The following LHFPL3 variants were observed in gnomAD, a reference collection of about 807,000 sequenced individuals.
The protein encoded by LHFPL3 is LHFPL tetraspan subfamily member 3 protein.
Under a neutral mutation model 19.3 loss-of-function variants are expected in LHFPL3, and 5 were observed. That is an observed-to-expected ratio of 0.26 (90% CI 0.14 to 0.54). The LOEUF is 0.54. LHFPL3 is among the 20% of genes least tolerant of loss of function. The pLI is 0.94. For missense variants in LHFPL3, 249 were observed against 307.4 expected, an observed-to-expected ratio of 0.81 and a Z score of 1.42; for synonymous variants, 133 against 126.2, an observed-to-expected ratio of 1.05 and a Z score of -0.36.
Position 104,533,254 on chromosome 7 carries a change from T to C in LHFPL3, c.446-203421T>C, listed in dbSNP as rs79711663. ...AAACTCTCTTCTCCACTAGATTCCA[T>C]AGAAGCACTCTGTCATAGTTCTCCT... On this transcript the variant is annotated intron_variant, in intron 1 of 2. Transcript: ENST00000424859. Among the ~76,000 whole-genome samples, 838 of 152,336 alleles carry C rather than the reference T, an allele frequency of 5.5e-3. 9 individuals carry two copies. The highest frequency in any genetic ancestry group is 0.043 in the East Asian group (224 of 5,192).
At chr7:104,775,778 C>T (rs901109141) in intron 2 of LHFPL3, among the ~76,000 whole-genome samples, 2 of 152,022 alleles carry the variant, frequency 1.3e-5, no homozygotes, top group Non-Finnish European at 2.9e-5. Context: ...CAACAACTAA[C>T]AATCTTTCTT....
chr7:104,821,886 GGTCA>G (rs751269289), intron 2 of LHFPL3, among the ~76,000 whole-genome samples: 2 of 152,190 alleles, frequency 1.3e-5, no homozygotes, highest in Non-Finnish European at 2.9e-5. Context: ...TGTAATCAAA[GGTCA>G]GTGAATTTGC....
At chr7:104,576,518 C>G (rs1790341722) in intron 1 of LHFPL3, among the ~76,000 whole-genome samples, 1 of 152,198 alleles carries the variant, frequency 6.6e-6, no homozygotes, top group African/African-American at 2.4e-5. Context: ...GCTATTAGTT[C>G]TTAACCTTCC....
At chr7:104,619,265 C>A (rs1180106939) in intron 1 of LHFPL3, among the ~76,000 whole-genome samples, 1 of 152,154 alleles carries the variant, frequency 6.6e-6, no homozygotes, top group Non-Finnish European at 1.5e-5. Context: ...TATTTTGAGG[C>A]CACAGTATAC....
At chr7:104,779,190 A>G (rs1794679735) in intron 2 of LHFPL3, among the ~76,000 whole-genome samples, 1 of 152,176 alleles carries the variant, frequency 6.6e-6, no homozygotes, top group Non-Finnish European at 1.5e-5. Context: ...AACGGGATTA[A>G]TAATAGTACT....
intron 1 of LHFPL3, among the ~76,000 whole-genome samples, chr7:104,443,299 G>A (rs944432477): frequency 1.3e-5 from 2 of 152,142 alleles, no homozygotes; most frequent in Non-Finnish European, 2.9e-5. Context: ...CACCCACACT[G>A]GATGGCACAT....
At chr7:104,545,259 T>A (rs1326017087) in intron 1 of LHFPL3, among the ~76,000 whole-genome samples, 1 of 152,184 alleles carries the variant, frequency 6.6e-6, no homozygotes, top group Non-Finnish European at 1.5e-5. Flanking sequence ...GGCCAAATTA[T>A]CAAATAGACC....
chr7:104,724,058 A>C (rs2077169771), intron 1 of LHFPL3, among the ~76,000 whole-genome samples: 1 of 152,210 alleles, frequency 6.6e-6, no homozygotes, highest in Admixed American at 6.5e-5. Flanking sequence ...GTATTATTTA[A>C]ACTTTCGTTG....
At chr7:104,513,078 A>G (rs752402868) in intron 1 of LHFPL3, among the ~76,000 whole-genome samples, 13 of 152,212 alleles carry the variant, frequency 8.5e-5, no homozygotes, top group Admixed American at 3.9e-4. Flanking sequence ...TAAAAATAAA[A>G]TATGTATTAA....
chr7:104,401,719 T>C (rs970176771), intron 1 of LHFPL3, among the ~76,000 whole-genome samples: 1 of 152,234 alleles, frequency 6.6e-6, no homozygotes, highest in African/African-American at 2.4e-5. Flanking sequence ...AGTAAACTCA[T>C]TCATTCTCTG....
intron 1 of LHFPL3, among the ~76,000 whole-genome samples, chr7:104,546,751 T>A (rs1340708686): frequency 6.6e-6 from 1 of 152,214 alleles, no homozygotes. Context: ...TCTTCCTTTG[T>A]CACTGGAGAC....
chr7:104,543,465 G>A (rs1306853760), intron 1 of LHFPL3, among the ~76,000 whole-genome samples: 1 of 151,806 alleles, frequency 6.6e-6, no homozygotes. Flanking sequence ...ACATGCACAC[G>A]TATATTTACT....
chr7:104,331,663 G>A (rs1444802582), intron 1 of LHFPL3, among the ~76,000 whole-genome samples: 1 of 152,128 alleles, frequency 6.6e-6, no homozygotes, highest in Non-Finnish European at 1.5e-5. Context: ...TGAAAGTTTA[G>A]TCTAGGCCGG....
chr7:104,668,344 G>A (rs1236720862), intron 1 of LHFPL3: 1 of 1,594,014 alleles, frequency 6.3e-7, no homozygotes. Context: ...GATACAGACT[G>A]GAGGGCTCGT....
chr7:104,398,999 G>C (rs914523631), intron 1 of LHFPL3, among the ~76,000 whole-genome samples: 1 of 152,146 alleles, frequency 6.6e-6, no homozygotes, highest in Non-Finnish European at 1.5e-5. Flanking sequence ...GATATCCCTA[G>C]TGCTATGCTT....
chr7:104,338,784 C>T (rs904957024), intron 1 of LHFPL3, among the ~76,000 whole-genome samples: 4 of 152,076 alleles, frequency 2.6e-5, no homozygotes, highest in Non-Finnish European at 5.9e-5. Context: ...ATTTGATTGA[C>T]CCTTTGTGCT....
intron 1 of LHFPL3, among the ~76,000 whole-genome samples, chr7:104,596,774 C>T (rs768960856): frequency 3.9e-5 from 6 of 152,224 alleles, no homozygotes; most frequent in Admixed American, 6.5e-5. Flanking sequence ...TTTCATCTCA[C>T]GTGCATTGCC....
chr7:104,697,079 C>A (rs1267815088), intron 1 of LHFPL3, among the ~76,000 whole-genome samples: 23 of 152,134 alleles, frequency 1.5e-4, no homozygotes, highest in Admixed American at 1.5e-3. Flanking sequence ...TCTCCAGAGT[C>A]CCTATAAGGC....
chr7:104,784,964 A>G (rs563835153), intron 2 of LHFPL3, among the ~76,000 whole-genome samples: 17 of 152,352 alleles, frequency 1.1e-4, no homozygotes, highest in Admixed American at 7.8e-4. Flanking sequence ...TCAGTTTTAC[A>G]AGATGAAAAA....
Sources: gnomAD v4.1 joint callset for allele counts (sites outside exome capture counted in the v4.1 genomes callset) on GRCh38, gnomAD v4.1.1 for gene constraint, MANE v1.5 for transcripts, NCBI Gene and HGNC (gene_info 2026-07-23, HGNC 2026-07-21) for gene names.